Variants in NBAS observed in about 807,000 individuals in gnomAD.
NBAS encodes NAG/BC035112 fusion.
NBAS carries 219 observed loss-of-function variants against 302.5 expected under a neutral mutation model. The observed-to-expected ratio is 0.72, with a 90% CI of 0.65 to 0.81. NBAS has a LOEUF of 0.81. NBAS is among the 30% of genes least tolerant of loss of function. NBAS has a pLI of 0.00. For synonymous variants in NBAS, 1,118 were observed against 1,021.6 expected (o/e 1.09, Z -1.80); for missense variants, 2,932 against 2,841.6 (o/e 1.03, Z -0.72).
At chr2:14,818,718 C>T in the NBAS span, among the ~76,000 whole-genome samples, 1 of 152,304 alleles carries the variant, frequency 6.6e-6, no homozygotes, top group Non-Finnish European at 1.5e-5. Flanking sequence ...TGCTAAACCT[C>T]TACAAAGCAG....
At chr2:15,144,540 C>A in the NBAS span, among the ~76,000 whole-genome samples, 1 of 152,192 alleles carries the variant, frequency 6.6e-6, no homozygotes, top group Non-Finnish European at 1.5e-5. Context: ...AGACAGGAGT[C>A]GCTACACAAT....
the NBAS span, among the ~76,000 whole-genome samples, chr2:14,905,894 C>T: frequency 6.6e-6 from 1 of 152,164 alleles, no homozygotes; most frequent in Non-Finnish European, 1.5e-5. Flanking sequence ...CCTTCTATCT[C>T]TAAACTCTCA....
At chr2:15,521,454 T>C (rs1258504321) in intron 9 of NBAS, among the ~76,000 whole-genome samples, 1 of 152,230 alleles carries the variant, frequency 6.6e-6, no homozygotes, top group Non-Finnish European at 1.5e-5. Context: ...CTGAGAAATA[T>C]TTATTGAGCA....
the NBAS span, among the ~76,000 whole-genome samples, chr2:15,159,802 T>TGC: frequency 3.3e-4 from 38 of 116,470 alleles, no homozygotes; most frequent in East Asian, 6.4e-4. Context: ...CACACACGCG[T>TGC]GCACACACAC....
the NBAS span, among the ~76,000 whole-genome samples, chr2:15,087,070 G>A: frequency 6.6e-6 from 1 of 151,432 alleles, no homozygotes; most frequent in Non-Finnish European, 1.5e-5. Flanking sequence ...CCTGATTTCA[G>A]ACTTGAACTG....
chr2:15,069,145 C>T, the NBAS span, among the ~76,000 whole-genome samples: 6 of 152,192 alleles, frequency 3.9e-5, no homozygotes, highest in African/African-American at 9.7e-5. Context: ...TTCCGTGCTA[C>T]CACATTATGG....
intron 48 of NBAS, among the ~76,000 whole-genome samples, chr2:15,215,164 T>C (rs1283592653): frequency 6.6e-6 from 1 of 152,186 alleles, no homozygotes; most frequent in Non-Finnish European, 1.5e-5. Flanking sequence ...TCCCTCTCTT[T>C]TTCCCTCCCA....
the NBAS span, among the ~76,000 whole-genome samples, chr2:14,807,993 T>G: frequency 1.7e-4 from 26 of 152,348 alleles, no homozygotes; most frequent in Non-Finnish European, 3.4e-4. Flanking sequence ...TATATTGTTT[T>G]ACAGTTTTAA....
the NBAS span, among the ~76,000 whole-genome samples, chr2:14,789,543 A>T: frequency 6.6e-6 from 1 of 152,222 alleles, no homozygotes; most frequent in African/African-American, 2.4e-5. Flanking sequence ...ATTGATAGAA[A>T]TGTTTTAATA....
chr2:15,387,988 A>G (rs903769897), intron 28 of NBAS, among the ~76,000 whole-genome samples: 1 of 152,138 alleles, frequency 6.6e-6, no homozygotes, highest in Non-Finnish European at 1.5e-5. Context: ...AGCATCAACT[A>G]TGTACCTGTC....
chr2:15,317,469 T>C (rs578214930), intron 38 of NBAS, among the ~76,000 whole-genome samples: 7 of 152,178 alleles, frequency 4.6e-5, no homozygotes, highest in Non-Finnish European at 1.0e-4. Context: ...AAGGAGCATG[T>C]TCTAATGCAT....
At chr2:15,262,526 T>C (rs949682342) in intron 44 of NBAS, among the ~76,000 whole-genome samples, 1 of 152,144 alleles carries the variant, frequency 6.6e-6, no homozygotes, top group African/African-American at 2.4e-5. Flanking sequence ...ATAGAGTAAT[T>C]TTCCCAAAGT....
chr2:14,918,003 G>C, the NBAS span, among the ~76,000 whole-genome samples: 1 of 152,104 alleles, frequency 6.6e-6, no homozygotes, highest in African/African-American at 2.4e-5. Flanking sequence ...GGGACCCCTG[G>C]TTTTTAACTC....
chr2:15,230,349 A>G (rs1234402420), intron 47 of NBAS, among the ~76,000 whole-genome samples: 1 of 151,930 alleles, frequency 6.6e-6, no homozygotes, highest in Non-Finnish European at 1.5e-5. Context: ...ATACTTGCCA[A>G]AATAAAAGTT....
chr2:15,178,022 G>C (rs1664632160), intron 51 of NBAS: 1 of 362,452 alleles, frequency 2.8e-6, no homozygotes, highest in Non-Finnish European at 5.7e-6. Flanking sequence ...ACTATTTACA[G>C]AATTTTCTGT....
intron 28 of NBAS, among the ~76,000 whole-genome samples, chr2:15,390,605 CACAA>C (rs60922540): frequency 6.6e-6 from 1 of 151,326 alleles, no homozygotes; most frequent in Non-Finnish European, 1.5e-5. Flanking sequence ...GCTCCTGCCA[CACAA>C]ACAAAATAAA....
chr2:15,424,654 G>A (rs1216430834), intron 22 of NBAS, among the ~76,000 whole-genome samples, 186 bp from the exon 23 acceptor site: 5 of 152,110 alleles, frequency 3.3e-5, no homozygotes, highest in East Asian at 1.9e-4. Context: ...TTTTGGATGC[G>A]TAATTTATTT....
At position 15,415,518 on chromosome 2, in the gene NBAS, G is replaced by A. The variant is rs1676883809; in HGVS notation, c.2937+28C>T. The A allele has an allele frequency of 3.1e-6, 5 of 1,609,084 alleles. No individual in the cohort carries two copies. In the African/African-American group the frequency reaches 6.7e-5, roughly 21 times the overall value. Reference sequence around the variant, plus strand: ...AATACTGTAGGGGAAAAAGTGCCCAGAATTTTAAGAAGTTAGTTTCTACTT... The same window carrying A: ...AATACTGTAGGGGAAAAAGTGCCCAAAATTTTAAGAAGTTAGTTTCTACTT... On this transcript the variant is annotated intron_variant, in intron 25 of 51. Coordinates refer to ENST00000281513, the MANE Select transcript of NBAS (RefSeq NM_015909.4).
At chr2:15,223,363 G>A (rs1470575122) in intron 47 of NBAS, among the ~76,000 whole-genome samples, 1 of 151,886 alleles carries the variant, frequency 6.6e-6, no homozygotes, top group Non-Finnish European at 1.5e-5. Flanking sequence ...TTTTCTAAGG[G>A]TTTTAAATTT....
Sources: allele counts gnomAD v4.1 joint callset (sites outside exome capture counted in the v4.1 genomes callset), GRCh38; gene constraint gnomAD v4.1.1; transcripts MANE v1.5; gene names NCBI Gene and HGNC (gene_info 2026-07-23, HGNC 2026-07-21).